Variants in AUTS2 observed in about 807,000 individuals in gnomAD.
AUTS2 encodes the protein activator of transcription and developmental regulator AUTS2.
A neutral mutation model predicts 112.4 loss-of-function variants in AUTS2; 17 were observed. The ratio of observed to expected loss-of-function variants is 0.15; its 90% confidence interval spans 0.10 to 0.23. The LOEUF (loss-of-function observed/expected upper bound fraction) is 0.23. Among genes scored for constraint, AUTS2 ranks in the 10% least tolerant of loss-of-function variants. The probability of loss-of-function intolerance (pLI) is 1.00; values close to 1 mark genes in which losing one functional copy is unlikely to be tolerated. For synonymous variants in AUTS2, 751 were observed against 702.7 expected (o/e 1.07, Z -1.09); for missense variants, 1,510 against 1,701.6 (o/e 0.89, Z 1.98).
chr7:70,537,902 G>T (rs943909063), intron 5 of AUTS2, among the ~76,000 whole-genome samples: 4 of 152,152 alleles, frequency 2.6e-5, no homozygotes, highest in Non-Finnish European at 5.9e-5. Flanking sequence ...GAGAATGCAC[G>T]GAGGCCTGCA....
intron 2 of AUTS2, among the ~76,000 whole-genome samples, chr7:69,958,740 G>T (rs1797315594): frequency 6.6e-6 from 1 of 152,160 alleles, no homozygotes; most frequent in Non-Finnish European, 1.5e-5. Context: ...CGACTGCTAG[G>T]CTCCACCTCC....
intron 14 of AUTS2, among the ~76,000 whole-genome samples, chr7:70,778,710 G>T (rs1465907523): frequency 6.6e-6 from 1 of 152,180 alleles, no homozygotes; most frequent in Non-Finnish European, 1.5e-5. Context: ...AGTGAGTTTG[G>T]CTCATTTGTA....
chr7:69,729,994 A>ATTTTTTTTTTTTTTTTTTTTTTTTTTTTT, intron 1 of AUTS2, among the ~76,000 whole-genome samples: 1 of 56,750 alleles, frequency 1.8e-5, no homozygotes, highest in Non-Finnish European at 3.0e-5. Context: ...TGTTGTTTTA[A>ATTTTTTTTTTTTTTTTTTTTTTTTTTTTT]TTTTTTTTTT....
intron 6 of AUTS2, among the ~76,000 whole-genome samples, chr7:70,731,976 T>A (rs1236786394): frequency 6.6e-6 from 1 of 152,218 alleles, no homozygotes; most frequent in African/African-American, 2.4e-5. Context: ...ACTGATGTGA[T>A]GCCTTTATCT....
chr7:70,744,364 A>G lies in AUTS2; in HGVS notation c.743-18506A>G, dbSNP rs76164330. On this transcript the variant is annotated intron_variant, in intron 6 of 18. Transcript: ENST00000342771. Reference sequence around the variant, plus strand: ...GGCCACCAATGTCACGGGCAAGCACATCCTCGGTTTGGGGCCATTAGCTGA... The same window carrying G: ...GGCCACCAATGTCACGGGCAAGCACGTCCTCGGTTTGGGGCCATTAGCTGA... Among the ~76,000 whole-genome samples the G allele has an allele frequency of 4.4e-3, 667 of 152,210 alleles. 6 individuals carry two copies. The highest frequency in any genetic ancestry group is 0.015 in the African/African-American group (633 of 41,532).
At chr7:70,474,200 G>C (rs1797497071) in intron 5 of AUTS2, among the ~76,000 whole-genome samples, 1 of 152,224 alleles carries the variant, frequency 6.6e-6, no homozygotes, top group African/African-American at 2.4e-5. Context: ...TCTAAAGGCT[G>C]TGGGCCAAAG....
At chr7:70,695,231 T>C (rs1300524908) in intron 5 of AUTS2, among the ~76,000 whole-genome samples, 1 of 152,102 alleles carries the variant, frequency 6.6e-6, no homozygotes, top group Non-Finnish European at 1.5e-5. Context: ...CTCCCCCCTC[T>C]GCGGCCCTGT....
At chr7:70,208,958 C>T (rs781000572) in intron 4 of AUTS2, among the ~76,000 whole-genome samples, 17 of 151,880 alleles carry the variant, frequency 1.1e-4, no homozygotes, top group East Asian at 5.8e-4. Context: ...GTATGTTATA[C>T]GGAACTTAGT....
intron 2 of AUTS2, among the ~76,000 whole-genome samples, chr7:70,011,656 G>T (rs1041391497): frequency 2.0e-5 from 3 of 152,182 alleles, no homozygotes; most frequent in African/African-American, 7.2e-5. Context: ...GGCAGCATGA[G>T]TCTTTTGGAC....
intron 5 of AUTS2, among the ~76,000 whole-genome samples, chr7:70,485,849 G>T (rs1797972778): frequency 6.6e-6 from 1 of 152,016 alleles, no homozygotes; most frequent in African/African-American, 2.4e-5. Flanking sequence ...GCCATGCAGG[G>T]TGCAGCTGTG....
chr7:69,608,159 C>T (rs1415505790), intron 1 of AUTS2, among the ~76,000 whole-genome samples: 1 of 152,142 alleles, frequency 6.6e-6, no homozygotes, highest in Non-Finnish European at 1.5e-5. Context: ...GTTTCAAACT[C>T]CTGGGCTCAA....
At chr7:70,469,644 G>A (rs972652669) in intron 5 of AUTS2, among the ~76,000 whole-genome samples, 3 of 151,984 alleles carry the variant, frequency 2.0e-5, no homozygotes, top group South Asian at 4.2e-4. Context: ...GTTTTGTTTT[G>A]TTTTCTTTTT....
At chr7:70,270,669 C>T (rs1787647747) in intron 4 of AUTS2, among the ~76,000 whole-genome samples, 1 of 152,136 alleles carries the variant, frequency 6.6e-6, no homozygotes, top group South Asian at 2.1e-4. Flanking sequence ...GGGTTCAAGA[C>T]TTGAGCCAGG....
At chr7:70,072,302 T>C (rs984330302) in intron 2 of AUTS2, among the ~76,000 whole-genome samples, 6 of 152,224 alleles carry the variant, frequency 3.9e-5, no homozygotes, top group African/African-American at 1.2e-4. Context: ...GCCTGAGTTA[T>C]TCTCTCCTTT....
chr7:70,608,222 G>T (rs1417145911), intron 5 of AUTS2, among the ~76,000 whole-genome samples: 1 of 152,122 alleles, frequency 6.6e-6, no homozygotes, highest in East Asian at 1.9e-4. Context: ...TCCTCCCTCA[G>T]CCTCCCAAGT....
chr7:70,690,416 C>T (rs1808696798), intron 5 of AUTS2, among the ~76,000 whole-genome samples: 1 of 152,136 alleles, frequency 6.6e-6, no homozygotes. Context: ...ACGAAAGGTT[C>T]GAGGAAATTC....
At chr7:70,197,350 G>C (rs1456795412) in intron 4 of AUTS2, among the ~76,000 whole-genome samples, 10 of 151,912 alleles carry the variant, frequency 6.6e-5, no homozygotes, top group Admixed American at 5.9e-4. Flanking sequence ...CAAGATGGCC[G>C]AATAGGAACA....
intron 5 of AUTS2, among the ~76,000 whole-genome samples, chr7:70,674,503 G>C (rs1186918795): frequency 1.3e-5 from 2 of 152,206 alleles, no homozygotes; most frequent in Non-Finnish European, 2.9e-5. Flanking sequence ...GAGGGAGTGA[G>C]GGTGGGGTAG....
intron 4 of AUTS2, among the ~76,000 whole-genome samples, chr7:70,325,536 A>G (rs1790448109): frequency 6.6e-6 from 1 of 152,164 alleles, no homozygotes; most frequent in Non-Finnish European, 1.5e-5. Context: ...AAATGAAATG[A>G]CAAAAAGTGA....
Sources: allele counts gnomAD v4.1 joint callset (sites outside exome capture counted in the v4.1 genomes callset), GRCh38; gene constraint gnomAD v4.1.1; transcripts MANE v1.5; gene names NCBI Gene and HGNC (gene_info 2026-07-23, HGNC 2026-07-21).